The following LANCL2 variants were observed in gnomAD, a reference collection of about 807,000 sequenced individuals.
LANCL2 encodes lanC-like protein 2.
Under a neutral mutation model 56.9 loss-of-function variants are expected in LANCL2, and 33 were observed. The observed-to-expected ratio is 0.58, with a 90% CI of 0.44 to 0.78. The LOEUF (loss-of-function observed/expected upper bound fraction) is 0.78, where lower values mean the gene tolerates loss of function less well. Among genes scored for constraint, LANCL2 ranks in the 30% least tolerant of loss-of-function variants. The pLI, the probability that LANCL2 is intolerant of heterozygous loss-of-function variation, is 0.00. For synonymous variants in LANCL2, 233 were observed against 228.2 expected (o/e 1.02, Z -0.19); for missense variants, 562 against 580.2 (o/e 0.97, Z 0.32).
chr7:55,382,257 A>G (rs1229153819), intron 1 of LANCL2, among the ~76,000 whole-genome samples: 1 of 152,210 alleles, frequency 6.6e-6, no homozygotes, highest in Non-Finnish European at 1.5e-5. Context: ...TATGCTTTCA[A>G]TTCATGAAAA....
chr7:55,375,992 A>C (rs1477878614), intron 1 of LANCL2, among the ~76,000 whole-genome samples: 1 of 152,142 alleles, frequency 6.6e-6, no homozygotes, highest in Non-Finnish European at 1.5e-5. Context: ...CTTAAATAGG[A>C]GAAGTTTCTC....
At position 55,425,315 on chromosome 7, in the gene LANCL2, G is replaced by C; in HGVS notation, c.1070G>C (p.Arg357Pro). The C allele has an allele frequency of 3.1e-6, 5 of 1,614,156 alleles. No homozygotes were observed. Among genetic ancestry groups the C allele is most frequent in the Non-Finnish European group, 4.2e-6 (5 of 1,180,016 alleles). ...GAGTGTAGCGATGTGATTTGGCAGCGAGGTTTGCTGCGGAAGGGCTACGGG... is the reference window on the plus strand; with the variant it reads ...GAGTGTAGCGATGTGATTTGGCAGCCAGGTTTGCTGCGGAAGGGCTACGGG... Reference protein sequence around the residue: ...AMECSDVIWQRGLLRKGYGIC... With the variant: ...AMECSDVIWQPGLLRKGYGIC... The change falls in exon 7 of 9, where the codon CGA (arginine) becomes CCA (proline). Residue 357 changes from arginine to proline, a missense_variant. By Grantham distance (103) the Arg-to-Pro change is moderately radical. This residue lies in a region of LANCL2 where 378 missense variants were observed against 468.4 expected (regional missense o/e 0.81). Coordinates refer to ENST00000254770, the MANE Select transcript of LANCL2 (RefSeq NM_018697.4).
intron 1 of LANCL2, 28 bp from the exon 2 acceptor site, chr7:55,391,765 T>TA (rs1398331109): frequency 1.6e-6 from 2 of 1,228,030 alleles, no homozygotes; most frequent in East Asian, 4.7e-5. Context: ...CTTGTGAAGT[T>TA]AAAGTTATCT....
At chr7:55,367,182 A>G (rs1331802911) in intron 1 of LANCL2, among the ~76,000 whole-genome samples, 1 of 152,240 alleles carries the variant, frequency 6.6e-6, no homozygotes, top group Non-Finnish European at 1.5e-5. Context: ...CGTGGGAGGC[A>G]AAAAGTGGGA....
intron 1 of LANCL2, 84 bp downstream of exon 1, chr7:55,366,313 A>G: frequency 2.4e-6 from 3 of 1,242,448 alleles, no homozygotes; most frequent in East Asian, 6.0e-5. Context: ...GTGACGTCAC[A>G]GGCGCGCGCC....
intron 7 of LANCL2, chr7:55,428,168 C>T: frequency 3.4e-6 from 2 of 592,286 alleles, no homozygotes; most frequent in African/African-American, 1.9e-5. Context: ...TAAGGCAGAC[C>T]CCACTCTACA....
In LANCL2 at chr7:55,431,308, G is replaced by A. The variant is rs201881002; in HGVS notation, c.1341G>A (p.Ser447=). The change falls in exon 9 of 9, where the codon TCG becomes TCA. Residue 447 remains serine (S), a synonymous_variant. Transcript: ENST00000254770. The part of the protein sequence containing the change: ...SRFPAFELDS[S]KRD ...TTCCAGCATTTGAACTTGACTCTTC[G>A]AAGAGGGATTAAAAGGTGCAAAAAG... is the stretch of plus-strand genomic sequence containing the variant. 13 of 1,612,924 alleles carry A rather than the reference G, an allele frequency of 8.1e-6. No individual in the cohort carries two copies. The highest frequency in any genetic ancestry group is 4.0e-5 in the African/African-American group (3 of 74,826).
intron 1 of LANCL2, among the ~76,000 whole-genome samples, chr7:55,382,692 A>C (rs1423277656): frequency 6.6e-6 from 1 of 152,088 alleles, no homozygotes. Context: ...GAGCCCTGTT[A>C]CCAGGCTGGA....
chr7:55,410,495 A>G (rs1472772219), intron 5 of LANCL2, among the ~76,000 whole-genome samples: 3 of 152,112 alleles, frequency 2.0e-5, no homozygotes, highest in African/African-American at 7.2e-5. Flanking sequence ...TCTGTAGGAG[A>G]TGTCATGTTG....
chr7:55,423,897 T>C (rs1017144347), intron 6 of LANCL2, among the ~76,000 whole-genome samples: 1 of 152,238 alleles, frequency 6.6e-6, no homozygotes, highest in Admixed American at 6.5e-5. Flanking sequence ...AGCCTAACTT[T>C]GGGAACATTT....
In LANCL2 at chr7:55,366,000, C is replaced by G. The variant is rs997778096; in HGVS notation, c.-26C>G. The G allele has an allele frequency of 7.1e-7, 1 of 1,412,852 alleles. No homozygotes were observed. Among genetic ancestry groups the G allele is most frequent in the Non-Finnish European group, 9.3e-7 (1 of 1,076,522 alleles). The allele number at this position is 1,412,852 out of a possible 1,614,324, so 87.5% of individuals were successfully genotyped here. A position where few individuals can be genotyped will look rare whatever the true frequency, so the allele number is the denominator to read the frequency against. On this transcript the variant is annotated 5_prime_UTR_variant, in exon 1 of 9. Transcript: ENST00000254770. ...AGCGCCGGGACAGGAGGTTTGTCCC[C>G]GCCCGCGCGCCGTACCGCGGCGGAG...
intron 5 of LANCL2, among the ~76,000 whole-genome samples, chr7:55,409,000 GAAAA>G (rs1007626269): frequency 2.7e-5 from 4 of 147,528 alleles, no homozygotes; most frequent in African/African-American, 7.5e-5. Flanking sequence ...AAAAAGAAAA[GAAAA>G]AAACAGGTTA....
chr7:55,379,738 T>A (rs1790044410), intron 1 of LANCL2: 1 of 152,688 alleles, frequency 6.5e-6, no homozygotes, highest in Admixed American at 6.5e-5. Context: ...AGACAGTTAC[T>A]CTTTTTGGTG....
chr7:55,396,853 T>G (rs1170764595), intron 2 of LANCL2: 1 of 152,366 alleles, frequency 6.6e-6, no homozygotes, highest in South Asian at 2.1e-4. Context: ...GAATACTCAT[T>G]TGTAAGCCTT....
intron 5 of LANCL2, among the ~76,000 whole-genome samples, chr7:55,410,522 T>A (rs1790458876): frequency 6.6e-6 from 1 of 152,230 alleles, no homozygotes; most frequent in Non-Finnish European, 1.5e-5. Context: ...TTGGTGCTTA[T>A]GGAATGATGA....
At chr7:55,398,725 C>T (rs1282021801) in intron 3 of LANCL2, 95 bp downstream of exon 3, 3 of 967,558 alleles carry the variant, frequency 3.1e-6, no homozygotes, top group Non-Finnish European at 3.2e-6. Flanking sequence ...TTCCATTCAT[C>T]CATTGTTGTA....
intron 6 of LANCL2, among the ~76,000 whole-genome samples, chr7:55,413,590 C>T (rs1288719705): frequency 6.6e-6 from 1 of 152,232 alleles, no homozygotes; most frequent in Non-Finnish European, 1.5e-5. Flanking sequence ...ACAGTGGCCA[C>T]CATCTGTTTT....
intron 1 of LANCL2, among the ~76,000 whole-genome samples, chr7:55,388,454 G>A (rs751865448): frequency 4.6e-5 from 7 of 152,296 alleles, no homozygotes; most frequent in East Asian, 3.9e-4. Flanking sequence ...GCTGAGGCAC[G>A]AGAATGGCTT....
intron 6 of LANCL2, among the ~76,000 whole-genome samples, chr7:55,416,131 T>TG (rs1340276418): frequency 6.6e-6 from 1 of 152,306 alleles, no homozygotes; most frequent in Admixed American, 6.5e-5. Context: ...TGCCAACACT[T>TG]GATGTTGAAA....
Sources: allele counts gnomAD v4.1 joint callset (sites outside exome capture counted in the v4.1 genomes callset), GRCh38; gene constraint gnomAD v4.1.1; regional missense constraint gnomAD v4.1.1; transcripts MANE v1.5; gene names NCBI Gene and HGNC (gene_info 2026-07-23, HGNC 2026-07-21).